The following CAT variants were observed in gnomAD, a reference collection of about 807,000 sequenced individuals.
The protein encoded by CAT is catalase, also known as epididymis secretory sperm binding protein.
CAT carries 43 observed loss-of-function variants against 59.0 expected under a neutral mutation model. That is an observed-to-expected ratio of 0.73 (90% CI 0.57 to 0.94). The LOEUF is 0.94. CAT is among the 40% of genes least tolerant of loss of function. The pLI is 0.00. For synonymous variants in CAT, 218 were observed against 230.9 expected, an observed-to-expected ratio of 0.94 and a Z score of 0.51; for missense variants, 664 against 682.9, an observed-to-expected ratio of 0.97 and a Z score of 0.31.
Position 34,449,322 on chromosome 11 carries a change from G to A in CAT, c.197G>A (p.Arg66Gln), listed in dbSNP as rs751370247. ...ACTGATGAAATGGCTCATTTTGACCGAGAGAGAATTCCTGAGAGAGTTGTG... is the reference window on the plus strand; with the variant it reads ...ACTGATGAAATGGCTCATTTTGACCAAGAGAGAATTCCTGAGAGAGTTGTG... ...VFTDEMAHFD[R>Q]ERIPERVVHA... Residue 66 changes from arginine to glutamine, a missense_variant, in exon 2 of 13, where the codon CGA (arginine) becomes CAA (glutamine). By Grantham distance (43) the Arg-to-Gln change is conservative. Transcript: ENST00000241052. The A allele has an allele frequency of 3.7e-6, 6 of 1,614,120 alleles. No individual in the cohort carries two copies. The highest frequency in any genetic ancestry group is 2.2e-5 in the East Asian group (1 of 44,878).
At chr11:34,439,137 G>C (rs1329723750) in intron 1 of CAT, 58 bp downstream of exon 1, 2 of 1,469,446 alleles carry the variant, frequency 1.4e-6, no homozygotes, top group Non-Finnish European at 1.9e-6. Flanking sequence ...GGGGGCGTCG[G>C]CAAGTAAAGG....
chr11:34,453,069 TTC>T lies in CAT; in HGVS notation c.481-15_481-14del, dbSNP rs1491568740. 6.0e-6 allele frequency: 9 copies of T among 1,506,174 alleles called. No individual in the cohort carries two copies. The African/African-American group carries it at 1.2e-4, about 21-fold the overall frequency. 93.3% of individuals were successfully genotyped at this position (1,506,174 alleles called of 1,614,324 possible). A position where few individuals can be genotyped will look rare whatever the true frequency, so the allele number is the denominator to read the frequency against. On this transcript the variant is annotated intron_variant, in intron 4 of 12. Transcript: ENST00000241052. ...CTGTAAACTTAGTTTTTGGATTTTT[TTC>T]TCTCTTTTTTCTATTTAGTTTCCAT...
chr11:34,457,856 C>T (rs537287544), intron 8 of CAT, among the ~76,000 whole-genome samples: 1 of 152,336 alleles, frequency 6.6e-6, no homozygotes, highest in African/African-American at 2.4e-5. Context: ...ATGTAAGTAT[C>T]TGATTCCAGT....
At chr11:34,468,428 C>T (rs779223240) in intron 11 of CAT, 33 bp downstream of exon 11, 1 of 1,454,104 alleles carries the variant, frequency 6.9e-7, no homozygotes, top group South Asian at 1.1e-5. Context: ...GTGTCCTCTG[C>T]TGGCTAAGGA....
At chr11:34,456,857 A>C (rs566646551) in intron 8 of CAT, 40 bp downstream of exon 8, 3 of 1,606,806 alleles carry the variant, frequency 1.9e-6, no homozygotes, top group Admixed American at 3.3e-5. Flanking sequence ...GCAGGTGTCC[A>C]TGTGAGCATG....
chr11:34,444,262 T>C (rs544226730), intron 1 of CAT, among the ~76,000 whole-genome samples: 1 of 152,254 alleles, frequency 6.6e-6, no homozygotes, highest in Non-Finnish European at 1.5e-5. Context: ...GACTGAAGTA[T>C]GATAATGTCA....
chr11:34,469,430 A>G (rs1856752178), intron 11 of CAT, among the ~76,000 whole-genome samples: 1 of 152,190 alleles, frequency 6.6e-6, no homozygotes, highest in Admixed American at 6.5e-5. Flanking sequence ...TGGGTTCCCA[A>G]TGCCCTGCCT....
rs537959324 is a variant in CAT at position 34,443,914 on chromosome 11, T to C, written c.66+4835T>C. Among the ~76,000 whole-genome samples, 27 of 152,302 alleles carry C rather than the reference T, an allele frequency of 1.8e-4. No individual in the cohort carries two copies. The South Asian group carries it at 5.2e-3, about 29-fold the overall frequency. On this transcript the variant is annotated intron_variant, in intron 1 of 12. Transcript: ENST00000241052. ...ACATGTGCTTTCATTTCTCCTGAAA[T>C]ATACCTAGGTATGGAATCGCTAAGT...
At position 34,442,961 on chromosome 11, in the gene CAT, A is replaced by C. The variant is rs535523249; in HGVS notation, c.66+3882A>C. Reference sequence around the variant, plus strand: ...TTTCATATTTGGTGAAAATCTGTCCAGCCATTTTCTTGTGATGCGGCAATG... The same window carrying C: ...TTTCATATTTGGTGAAAATCTGTCCCGCCATTTTCTTGTGATGCGGCAATG... On this transcript the variant is annotated intron_variant, in intron 1 of 12. Transcript: ENST00000241052. Among the ~76,000 whole-genome samples, 9 of 152,326 alleles carry C rather than the reference A, an allele frequency of 5.9e-5. No homozygotes were observed. The East Asian group carries it at 1.5e-3, about 26-fold the overall frequency.
chr11:34,440,253 C>T (rs1856372699), intron 1 of CAT, among the ~76,000 whole-genome samples: 1 of 152,164 alleles, frequency 6.6e-6, no homozygotes, highest in Admixed American at 6.5e-5. Context: ...GAAAAGGCTG[C>T]CATTCTCCTC....
intron 7 of CAT, among the ~76,000 whole-genome samples, chr11:34,456,430 A>G (rs1217038617): frequency 6.6e-6 from 1 of 152,244 alleles, no homozygotes; most frequent in Non-Finnish European, 1.5e-5. Flanking sequence ...TATTGTTATT[A>G]ACAGGGAACA....
rs1479834487 is a variant in CAT, at chr11:34,465,615, T to C, written c.1326+1380T>C. On this transcript the variant is annotated intron_variant, in intron 10 of 12. Coordinates refer to ENST00000241052, the MANE Select transcript of CAT (RefSeq NM_001752.4). Reference sequence around the variant, plus strand: ...TCATTCTTATTGAGAGAATTTCTTATCACTATATAGGATATAGTGTGGTTT... The same window carrying C: ...TCATTCTTATTGAGAGAATTTCTTACCACTATATAGGATATAGTGTGGTTT... 2.6e-5 allele frequency among the ~76,000 whole-genome samples: 4 copies of C among 152,340 alleles called. No individual in the cohort carries two copies. In the East Asian group the frequency reaches 5.8e-4, roughly 22 times the overall value.
chr11:34,461,522 T>C (rs887228573), intron 9 of CAT, 133 bp downstream of exon 9: 3 of 1,056,468 alleles, frequency 2.8e-6, no homozygotes, highest in African/African-American at 3.1e-5. Flanking sequence ...CCCCAGGTGC[T>C]GCTAACTGGG....
Position 34,453,899 on chromosome 11 carries a change from G to A in CAT, c.684G>A (p.Glu228=). Residue 228 remains glutamate, a synonymous_variant, in exon 6 of 13, where the codon GAG becomes GAA. Coordinates refer to ENST00000241052, the MANE Select transcript of CAT (RefSeq NM_001752.4). ...TCAAGCTGGTTAATGCAAATGGGGA[G>A]GCAGTTTATTGCAAATTCCATTATA... ...HTFKLVNANG[E]AVYCKFHYKT... The A allele has an allele frequency of 6.2e-7, 1 of 1,613,980 alleles. No individual in the cohort carries two copies. The highest frequency in any genetic ancestry group is 8.5e-7 in the Non-Finnish European group (1 of 1,179,886).
chr11:34,471,611 A>G lies in CAT; in HGVS notation c.*178A>G. The G allele has an allele frequency of 1.5e-6, 1 of 646,384 alleles. No individual in the cohort carries two copies. Among genetic ancestry groups the G allele is most frequent in the East Asian group, 2.8e-5 (1 of 35,926 alleles). The allele number at this position is 646,384 out of a possible 1,614,324, so 40.0% of individuals were successfully genotyped here. On this transcript the variant is annotated 3_prime_UTR_variant, in exon 13 of 13. Coordinates refer to ENST00000241052, the MANE Select transcript of CAT (RefSeq NM_001752.4). ...TTTTAATGCTATTTCCCCAGGGGAAAATGAAGGTTAGGATTTAACAGTCAT... is the reference window on the plus strand; with the variant it reads ...TTTTAATGCTATTTCCCCAGGGGAAGATGAAGGTTAGGATTTAACAGTCAT...
chr11:34,457,751 A>T (rs936247448), intron 8 of CAT, among the ~76,000 whole-genome samples: 11 of 152,232 alleles, frequency 7.2e-5, no homozygotes, highest in Admixed American at 1.3e-4. Flanking sequence ...TAATTACTGT[A>T]TAAATCAATC....
intron 1 of CAT, among the ~76,000 whole-genome samples, chr11:34,443,345 T>C (rs1428750336): frequency 6.6e-6 from 1 of 152,232 alleles, no homozygotes; most frequent in Non-Finnish European, 1.5e-5. Context: ...GACAGGTGAA[T>C]TGGGAGTTTT....
intron 7 of CAT, 149 bp downstream of exon 7, chr11:34,456,351 G>A: frequency 1.5e-6 from 1 of 685,410 alleles, no homozygotes; most frequent in Admixed American, 2.7e-5. Flanking sequence ...CTGTGAATGA[G>A]TGCTTACCAG....
In CAT at chr11:34,471,698, A is replaced by G. The variant is rs1203764847; in HGVS notation, c.*265A>G. 2.1e-6 allele frequency: 1 copy of G among 482,710 alleles called. No homozygotes were observed. The highest frequency in any genetic ancestry group is 3.8e-5 in the East Asian group (1 of 26,404). 29.9% of individuals were successfully genotyped at this position (482,710 alleles called of 1,614,324 possible). A position where few individuals can be genotyped will look rare whatever the true frequency, so the allele number is the denominator to read the frequency against. ...ATTCATTTAAAATGATTAGAAGGCAAGTTTCTAGCTAGAAATATGATTTTA... is the reference window on the plus strand; with the variant it reads ...ATTCATTTAAAATGATTAGAAGGCAGGTTTCTAGCTAGAAATATGATTTTA... On this transcript the variant is annotated 3_prime_UTR_variant, in exon 13 of 13. Transcript: ENST00000241052.
Sources: gnomAD v4.1 joint callset for allele counts (sites outside exome capture counted in the v4.1 genomes callset) on GRCh38, gnomAD v4.1.1 for gene constraint, MANE v1.5 for transcripts, NCBI Gene and HGNC (gene_info 2026-07-23, HGNC 2026-07-21) for gene names.